The following EDNRB variants were observed in gnomAD, a reference collection of about 807,000 sequenced individuals.
EDNRB encodes Hirschsprung disease 2.
Under a neutral mutation model 46.4 loss-of-function variants are expected in EDNRB, and 18 were observed. The ratio of observed to expected loss-of-function variants is 0.39; its 90% CI spans 0.27 to 0.57. EDNRB has a LOEUF of 0.57. Among genes scored for constraint, EDNRB ranks in the 20% least tolerant of loss-of-function variants. The pLI, the probability that EDNRB is intolerant of heterozygous loss-of-function variation, is 0.61. For synonymous variants in EDNRB, 213 were observed against 204.9 expected (o/e 1.04, Z -0.34); for missense variants, 434 against 537.5 (o/e 0.81, Z 1.90).
intron 1 of EDNRB, among the ~76,000 whole-genome samples, chr13:77,931,662 C>A (rs1226243780): frequency 1.4e-5 from 2 of 145,684 alleles, no homozygotes; most frequent in Admixed American, 7.2e-5. Flanking sequence ...AGCACTCTTG[C>A]TGAATTTGAG....
intron 1 of EDNRB, among the ~76,000 whole-genome samples, chr13:77,954,712 G>A (rs571022940): frequency 6.6e-6 from 1 of 152,020 alleles, no homozygotes; most frequent in Admixed American, 6.6e-5. Flanking sequence ...TCACCATGTT[G>A]GCCAGGCTGG....
chr13:77,968,995 T>A (rs1401214172), intron 1 of EDNRB, among the ~76,000 whole-genome samples: 2 of 152,178 alleles, frequency 1.3e-5, no homozygotes, highest in African/African-American at 4.8e-5. Flanking sequence ...TTTGGTATTG[T>A]AAAATGACAT....
chr13:77,969,683 C>A (rs1463785495), intron 1 of EDNRB, among the ~76,000 whole-genome samples: 1 of 152,192 alleles, frequency 6.6e-6, no homozygotes, highest in African/African-American at 2.4e-5. Context: ...CATTACCCGC[C>A]TGCACCATTT....
At position 77,898,144 on chromosome 13, in the gene EDNRB, T is replaced by C. The variant is rs1878729570; in HGVS notation, c.*56A>G. 1.3e-6 allele frequency: 2 copies of C among 1,594,328 alleles called. No individual in the cohort carries two copies. Among genetic ancestry groups the C allele is most frequent in the Admixed American group, 3.4e-5 (2 of 58,710 alleles). ...TTGTTTTGGCAAATGTTTCATTTTG[T>C]TTTAATGACTTCGGTCCAATATAAA... On this transcript the variant is annotated 3_prime_UTR_variant, in exon 7 of 7. Transcript: ENST00000646607.
intron 1 of EDNRB, among the ~76,000 whole-genome samples, chr13:77,971,457 A>T (rs1326748756): frequency 1.3e-5 from 2 of 152,032 alleles, no homozygotes; most frequent in East Asian, 3.9e-4. Context: ...GAGATAGGCC[A>T]CTGGCCTTGG....
chr13:77,901,020 A>T (rs1235349801), intron 4 of EDNRB, 38 bp downstream of exon 4: 3 of 1,604,566 alleles, frequency 1.9e-6, no homozygotes, highest in Non-Finnish European at 2.6e-6. Context: ...ATAATTATAA[A>T]TTCAACCACG....
intron 1 of EDNRB, among the ~76,000 whole-genome samples, chr13:77,949,415 G>A (rs1414303088): frequency 6.6e-6 from 1 of 152,184 alleles, no homozygotes; most frequent in East Asian, 1.9e-4. Flanking sequence ...TCGCACTGCA[G>A]TTTGAGACTT....
At position 77,903,205 on chromosome 13, in the gene EDNRB, T is replaced by C; in HGVS notation, c.752A>G (p.Tyr251Cys). The C allele has an allele frequency of 1.2e-6, 2 of 1,612,994 alleles. No individual in the cohort carries two copies. The highest frequency in any genetic ancestry group is 1.7e-6 in the Non-Finnish European group (2 of 1,179,312). Residue 251 changes from tyrosine (Y) to cysteine (C), a missense_variant, in exon 3 of 7, where the codon TAT becomes TGT. Coordinates refer to ENST00000646607, the MANE Select transcript of EDNRB (RefSeq NM_001122659.3). The part of the protein sequence containing the change: ...DIITMDYKGS[Y>C]LRICLLHPVQ... ...GGGATGAAGCAAGCAGATTCGCAGA[T>C]AACTTCCTTTGTAGTCCATCGTAAT... is the stretch of plus-strand genomic sequence containing the variant.
chr13:77,940,328 A>AT (rs11436675), intron 1 of EDNRB, among the ~76,000 whole-genome samples: 88,730 of 150,056 alleles, frequency 0.59, 27,365 homozygotes, highest in Middle Eastern at 0.74. Context: ...GAAGAGTTTA[A>AT]TTTTTTTTTT....
intron 1 of EDNRB, among the ~76,000 whole-genome samples, chr13:77,953,599 G>A (rs1035668047): frequency 6.6e-6 from 1 of 152,068 alleles, no homozygotes; most frequent in Admixed American, 6.6e-5. Context: ...TGGACTAAAC[G>A]ATGGAAAACC....
chr13:77,967,112 T>C (rs117404915), intron 1 of EDNRB, among the ~76,000 whole-genome samples: 2,178 of 152,276 alleles, frequency 0.014, 45 homozygotes, highest in East Asian at 0.024. Context: ...AAGAGAAGAC[T>C]GAATAATAAT....
At chr13:77,955,342 T>C (rs1881204328) in intron 1 of EDNRB, among the ~76,000 whole-genome samples, 2 of 152,204 alleles carry the variant, frequency 1.3e-5, no homozygotes, top group Admixed American at 1.3e-4. Context: ...TATTGAGTCT[T>C]AGGAGTTTCT....
At chr13:77,937,402 C>T (rs1266675255) in intron 1 of EDNRB, among the ~76,000 whole-genome samples, 6 of 152,304 alleles carry the variant, frequency 3.9e-5, no homozygotes, top group Middle Eastern at 3.4e-3. Context: ...AAAACTCTTT[C>T]TCTTTCATCT....
At chr13:77,962,864 T>G (rs192047100) in intron 1 of EDNRB, among the ~76,000 whole-genome samples, 21 of 152,320 alleles carry the variant, frequency 1.4e-4, no homozygotes, top group African/African-American at 4.1e-4. Context: ...ATTGTATATT[T>G]AGAAAACCCC....
intron 1 of EDNRB, among the ~76,000 whole-genome samples, chr13:77,906,352 C>T (rs1879278203): frequency 6.6e-6 from 1 of 152,020 alleles, no homozygotes; most frequent in African/African-American, 2.4e-5. Flanking sequence ...CCTGGTACAA[C>T]TTATTCAGAC....
chr13:77,917,763 T>C (rs1159261178), intron 1 of EDNRB, among the ~76,000 whole-genome samples: 1 of 152,220 alleles, frequency 6.6e-6, no homozygotes, highest in Non-Finnish European at 1.5e-5. Flanking sequence ...AGTTTCTGAT[T>C]CAGTAGGTCT....
At chr13:77,899,148 T>A (rs1467176699) in intron 6 of EDNRB, among the ~76,000 whole-genome samples, 3 of 151,876 alleles carry the variant, frequency 2.0e-5, no homozygotes, top group Non-Finnish European at 4.4e-5. Context: ...CTCTAAAATT[T>A]GAGTTATGAG....
chr13:77,901,076 TA>T lies in EDNRB; in HGVS notation c.932del (p.Leu311Ter), dbSNP rs776994853. On this transcript the variant is annotated frameshift_variant, in exon 4 of 7. Transcript: ENST00000646607. LOFTEE classifies it high-confidence loss of function. ...LRKKSGMQIA[L>X]NDHLKQRREV... The stretch of plus-strand genomic sequence containing the variant: ...TTCTTACCTGCTTTAGGTGATCATT[TA>T]AAGCAATCTGCATGCCACTTTTCTT... 1 of 1,610,892 alleles carries T rather than the reference TA, an allele frequency of 6.2e-7. No individual in the cohort carries two copies. The highest frequency in any genetic ancestry group is 8.5e-7 in the Non-Finnish European group (1 of 1,178,272).
intron 1 of EDNRB, among the ~76,000 whole-genome samples, chr13:77,963,475 A>C (rs1251983625): frequency 2.0e-5 from 3 of 152,222 alleles, no homozygotes; most frequent in Non-Finnish European, 4.4e-5. Context: ...ATATATCTAC[A>C]ACAATCTGAT....
Sources: allele counts gnomAD v4.1 joint callset (sites outside exome capture counted in the v4.1 genomes callset), GRCh38; gene constraint gnomAD v4.1.1; transcripts MANE v1.5; gene names NCBI Gene and HGNC (gene_info 2026-07-23, HGNC 2026-07-21).